EPB41L3: variants seen among roughly 807,000 people sequenced by gnomAD.
EPB41L3 encodes band 4.1-like protein 3.
EPB41L3 carries 57 observed loss-of-function variants against 127.1 expected under a neutral mutation model. The observed-to-expected ratio is 0.45, with a 90% CI of 0.36 to 0.56. EPB41L3 has a LOEUF of 0.56. Among genes scored for constraint, EPB41L3 ranks in the 20% least tolerant of loss-of-function variants. EPB41L3 has a pLI of 0.00. For missense variants in EPB41L3, 1,273 were observed against 1,372.2 expected (o/e 0.93, Z 1.14); for synonymous variants, 572 against 549.5 (o/e 1.04, Z -0.57).
At chr18:5,404,447 T>C (rs768539266) in intron 16 of EPB41L3, among the ~76,000 whole-genome samples, 1 of 152,226 alleles carries the variant, frequency 6.6e-6, no homozygotes, top group Non-Finnish European at 1.5e-5. Flanking sequence ...ATGTTTTTCT[T>C]CCTTAATTAT....
chr18:5,420,988 G>A (rs374780432), intron 11 of EPB41L3, among the ~76,000 whole-genome samples: 7 of 152,104 alleles, frequency 4.6e-5, no homozygotes, highest in Admixed American at 1.3e-4. Context: ...ACTTCCTAAT[G>A]GACCAGTTAG....
intron 3 of EPB41L3, chr18:5,567,069 G>C (rs912830285): frequency 6.6e-6 from 1 of 152,204 alleles, no homozygotes; most frequent in Non-Finnish European, 1.5e-5. Flanking sequence ...GCCCCCAAAA[G>C]TGCTGGGATT....
intron 2 of EPB41L3, chr18:5,480,904 G>A (rs2088347774): frequency 6.6e-6 from 1 of 151,848 alleles, no homozygotes. Flanking sequence ...AGAGTAAAGA[G>A]GAAAGAAGGA....
At chr18:5,590,599 G>T (rs1568616028) in intron 3 of EPB41L3, among the ~76,000 whole-genome samples, 1 of 151,884 alleles carries the variant, frequency 6.6e-6, no homozygotes, top group South Asian at 2.1e-4. Context: ...CACACATGTT[G>T]CACATGAACA....
At chr18:5,527,648 A>G (rs1327064523) in intron 1 of EPB41L3, among the ~76,000 whole-genome samples, 1 of 152,208 alleles carries the variant, frequency 6.6e-6, no homozygotes, top group Non-Finnish European at 1.5e-5. Context: ...AGGGAAGAGG[A>G]GCAGGTTTTG....
rs974764418 is a variant in EPB41L3 at position 5,543,226 on chromosome 18, G to A, written c.-12+687C>T. The A allele has an allele frequency of 1.3e-4, 19 of 151,276 alleles. No individual in the cohort carries two copies. The highest frequency in any genetic ancestry group is 1.1e-3 in the Admixed American group (17 of 15,174). 9.4% of individuals were successfully genotyped at this position (151,276 alleles called of 1,614,324 possible). ...CCTCCTCCTCCCCCACCGGCCGGGG[G>A]CCGCTGCCCCAGTTTGGGGAACGAG... On this transcript the variant is annotated intron_variant, in intron 1 of 22. Coordinates refer to ENST00000341928, the MANE Select transcript of EPB41L3 (RefSeq NM_012307.5). This position sits in a 1 kb window ranked among gnomAD's most constrained non-coding sequence, Gnocchi z 5.2.
intron 13 of EPB41L3, 110 bp from the exon 14 acceptor site, chr18:5,410,729 T>A: frequency 2.5e-6 from 2 of 798,660 alleles, no homozygotes; most frequent in Non-Finnish European, 4.2e-6. Flanking sequence ...TCTTTCTCTG[T>A]GATTTCTCTG....
intron 16 of EPB41L3, among the ~76,000 whole-genome samples, chr18:5,403,845 T>A (rs1170361870): frequency 6.6e-6 from 1 of 152,058 alleles, no homozygotes; most frequent in African/African-American, 2.4e-5. Context: ...TTAAAAAATA[T>A]CCCCTCCAAA....
intron 3 of EPB41L3, among the ~76,000 whole-genome samples, chr18:5,560,391 G>T (rs1006198306): frequency 2.6e-5 from 4 of 152,104 alleles, no homozygotes; most frequent in African/African-American, 9.7e-5. Context: ...TTAAGAACAA[G>T]CTTCCTCAGA....
intron 1 of EPB41L3, among the ~76,000 whole-genome samples, chr18:5,517,124 G>A (rs1034699473): frequency 6.6e-6 from 1 of 152,082 alleles, no homozygotes; most frequent in Non-Finnish European, 1.5e-5. Context: ...ATCACTGAAC[G>A]TTTCAAGCAG....
intron 14 of EPB41L3, among the ~76,000 whole-genome samples, chr18:5,408,567 G>A (rs780122232): frequency 7.0e-4 from 106 of 151,538 alleles, no homozygotes; most frequent in Non-Finnish European, 1.2e-3. Context: ...GAGCCACCAC[G>A]CCCAGCCAAT....
At chr18:5,624,079 T>TC (rs2094896020) in intron 1 of EPB41L3, among the ~76,000 whole-genome samples, 1 of 152,208 alleles carries the variant, frequency 6.6e-6, no homozygotes, top group Admixed American at 6.5e-5. Context: ...CATAGCTCAC[T>TC]GCAGCCTTCA....
chr18:5,463,459 T>C lies in EPB41L3; in HGVS notation c.381+14782A>G, dbSNP rs151272117. Among the ~76,000 whole-genome samples, 680 of 152,254 alleles carry C rather than the reference T, an allele frequency of 4.5e-3. 3 individuals carry two copies. Among genetic ancestry groups the C allele is most frequent in the Non-Finnish European group, 7.4e-3 (502 of 68,024 alleles). On this transcript the variant is annotated intron_variant, in intron 3 of 22. Coordinates refer to ENST00000341928, the MANE Select transcript of EPB41L3 (RefSeq NM_012307.5). ...GACCTTAAGACCAGGACATTATCCATGCGGGTTTGACCTAATCATGTGAGC... is the reference window on the plus strand; with the variant it reads ...GACCTTAAGACCAGGACATTATCCACGCGGGTTTGACCTAATCATGTGAGC...
intron 3 of EPB41L3, among the ~76,000 whole-genome samples, chr18:5,582,262 C>T (rs2094400478): frequency 6.6e-6 from 1 of 152,126 alleles, no homozygotes; most frequent in Non-Finnish European, 1.5e-5. Context: ...TGTAACATGA[C>T]ACCAGGCTAG....
chr18:5,608,936 T>C (rs1404099861), intron 3 of EPB41L3, among the ~76,000 whole-genome samples: 1 of 152,222 alleles, frequency 6.6e-6, no homozygotes, highest in African/African-American at 2.4e-5. Context: ...AGGATATTTA[T>C]GGGAAACTAA....
chr18:5,440,189 T>A (rs1048607951), intron 5 of EPB41L3, among the ~76,000 whole-genome samples: 10 of 152,132 alleles, frequency 6.6e-5, no homozygotes, highest in Admixed American at 6.6e-4. Context: ...CTTCCTTATG[T>A]TTCTAATAAT....
chr18:5,575,816 G>A (rs2094331888), intron 3 of EPB41L3, among the ~76,000 whole-genome samples: 2 of 152,064 alleles, frequency 1.3e-5, no homozygotes, highest in Admixed American at 6.6e-5. Context: ...CAGCCTTGGT[G>A]ACAGAGTGAG....
At chr18:5,470,254 A>G (rs1599390466) in intron 3 of EPB41L3, among the ~76,000 whole-genome samples, 1 of 152,296 alleles carries the variant, frequency 6.6e-6, no homozygotes, top group Admixed American at 6.5e-5. Context: ...TCCAGATATA[A>G]AATTGTTTGA....
chr18:5,527,283 C>T (rs1285935337), intron 1 of EPB41L3, among the ~76,000 whole-genome samples: 1 of 152,162 alleles, frequency 6.6e-6, no homozygotes, highest in Non-Finnish European at 1.5e-5. Flanking sequence ...TCCCAAGAAG[C>T]TCCTGCAGTC....
Sources: gnomAD v4.1 joint callset for allele counts (sites outside exome capture counted in the v4.1 genomes callset) on GRCh38, gnomAD v4.1.1 for gene constraint, Gnocchi (gnomAD v3.1) non-coding constraint, MANE v1.5 for transcripts, NCBI Gene and HGNC (gene_info 2026-07-23, HGNC 2026-07-21) for gene names.